The following FSTL4 variants were observed in gnomAD, a reference collection of about 807,000 sequenced individuals.
The protein encoded by FSTL4 is follistatin like 4, also known as follistatin-related protein 4.
A neutral mutation model predicts 78.2 loss-of-function variants in FSTL4; 28 were observed. That is an observed-to-expected ratio of 0.36 (90% CI 0.27 to 0.49). FSTL4 has a LOEUF of 0.49. FSTL4 is among the 20% of genes least tolerant of loss of function. The pLI is 0.98. For synonymous variants in FSTL4, 422 were observed against 440.5 expected (o/e 0.96, Z 0.53); for missense variants, 922 against 1,084.9 (o/e 0.85, Z 2.11).
chr5:133,317,705 T>C (rs930067275), intron 4 of FSTL4, among the ~76,000 whole-genome samples: 2 of 152,248 alleles, frequency 1.3e-5, no homozygotes, highest in Non-Finnish European at 2.9e-5. Flanking sequence ...GCATGTAGCC[T>C]TGGGCAGGGT....
chr5:133,265,841 T>C (rs1451876984), intron 6 of FSTL4, among the ~76,000 whole-genome samples: 3 of 152,260 alleles, frequency 2.0e-5, no homozygotes, highest in Middle Eastern at 3.4e-3. Context: ...AGAGGTACTG[T>C]GGTACTGTGG....
chr5:133,720,165 A>G, the FSTL4 span, among the ~76,000 whole-genome samples: 1 of 152,196 alleles, frequency 6.6e-6, no homozygotes, highest in Non-Finnish European at 1.5e-5. Context: ...GTTACCCACT[A>G]AAAAAGGAGA....
At chr5:133,569,939 G>T (rs1167904170) in intron 2 of FSTL4, among the ~76,000 whole-genome samples, 1 of 152,104 alleles carries the variant, frequency 6.6e-6, no homozygotes, top group African/African-American at 2.4e-5. Context: ...CCCGGGCGCG[G>T]TGGCTCTCAC....
At chr5:133,239,206 C>G (rs977030448) in intron 7 of FSTL4, among the ~76,000 whole-genome samples, 2 of 152,142 alleles carry the variant, frequency 1.3e-5, no homozygotes, top group Non-Finnish European at 2.9e-5. Flanking sequence ...ATCTGCAGCC[C>G]GCCATGCCTG....
chr5:133,598,476 G>A (rs566773371), intron 2 of FSTL4, among the ~76,000 whole-genome samples: 20 of 150,498 alleles, frequency 1.3e-4, no homozygotes, highest in Admixed American at 3.3e-4. Context: ...GACCTTGGGA[G>A]GTTCTGCCAC....
chr5:133,830,412 G>A, the FSTL4 span, among the ~76,000 whole-genome samples: 5 of 152,260 alleles, frequency 3.3e-5, 1 homozygote, highest in African/African-American at 9.6e-5. Context: ...AAGTACCACC[G>A]CATGGAGGAA....
At chr5:133,484,142 C>T (rs1247745335) in intron 3 of FSTL4, among the ~76,000 whole-genome samples, 1 of 152,224 alleles carries the variant, frequency 6.6e-6, no homozygotes, top group Non-Finnish European at 1.5e-5. Flanking sequence ...TGCTGTACAG[C>T]AAATTGGGCA....
At chr5:133,798,830 C>A in the FSTL4 span, among the ~76,000 whole-genome samples, 3 of 152,086 alleles carry the variant, frequency 2.0e-5, no homozygotes, top group African/African-American at 7.2e-5. Context: ...GCCTCCCCCA[C>A]CCTGAAGGCA....
At chr5:133,626,149 TATATATATTCC>T in the FSTL4 span, among the ~76,000 whole-genome samples, 8 of 42,396 alleles carry the variant, frequency 1.9e-4, no homozygotes, top group Non-Finnish European at 3.2e-4. Flanking sequence ...ATATTCCATA[TATATATATTCC>T]ATATATATAT....
intron 3 of FSTL4, among the ~76,000 whole-genome samples, chr5:133,405,613 G>A (rs1298604574): frequency 6.6e-6 from 1 of 152,234 alleles, no homozygotes; most frequent in African/African-American, 2.4e-5. Context: ...GTGCAGATAT[G>A]TGGGGTGCGC....
intron 3 of FSTL4, among the ~76,000 whole-genome samples, chr5:133,423,555 G>C (rs1250684262): frequency 6.6e-6 from 1 of 152,204 alleles, no homozygotes; most frequent in African/African-American, 2.4e-5. Flanking sequence ...TGGGGTGACA[G>C]TAGTAAAGGC....
chr5:133,486,803 T>C (rs889701792), intron 3 of FSTL4, among the ~76,000 whole-genome samples: 1 of 152,144 alleles, frequency 6.6e-6, no homozygotes, highest in African/African-American at 2.4e-5. Flanking sequence ...GAACCACACC[T>C]TCTTAGGCAC....
intron 3 of FSTL4, among the ~76,000 whole-genome samples, chr5:133,491,694 G>A (rs749281469): frequency 7.2e-5 from 11 of 152,084 alleles, no homozygotes; most frequent in African/African-American, 1.9e-4. Context: ...GAGCCACTGC[G>A]CCTGGCCTAA....
At chr5:133,590,146 G>T (rs569928155) in intron 2 of FSTL4, among the ~76,000 whole-genome samples, 1 of 144,630 alleles carries the variant, frequency 6.9e-6, no homozygotes, top group Admixed American at 6.8e-5. Context: ...TTGCTCTGTC[G>T]CTCTGTCACC....
At chr5:133,259,960 C>T (rs966958226) in intron 6 of FSTL4, among the ~76,000 whole-genome samples, 1 of 152,056 alleles carries the variant, frequency 6.6e-6, no homozygotes, top group Non-Finnish European at 1.5e-5. Context: ...ATGATAACCC[C>T]CTAACCCTCC....
intron 3 of FSTL4, among the ~76,000 whole-genome samples, chr5:133,442,606 T>C (rs761802860): frequency 1.7e-4 from 26 of 152,200 alleles, no homozygotes; most frequent in Non-Finnish European, 2.5e-4. Flanking sequence ...TTTTATTTAG[T>C]TTTTTAAAAA....
At chr5:133,785,639 C>A in the FSTL4 span, among the ~76,000 whole-genome samples, 159 of 152,306 alleles carry the variant, frequency 1.0e-3, no homozygotes, top group African/African-American at 3.7e-3. Context: ...AAGGTGCCAT[C>A]TTCCAGAAGC....
intron 3 of FSTL4, among the ~76,000 whole-genome samples, chr5:133,453,002 A>G (rs1406586323): frequency 6.6e-6 from 1 of 152,228 alleles, no homozygotes; most frequent in Non-Finnish European, 1.5e-5. Flanking sequence ...TGCATTATGA[A>G]CTTGAATTCA....
the FSTL4 span, among the ~76,000 whole-genome samples, chr5:133,671,034 G>A: frequency 1.3e-5 from 2 of 152,282 alleles, no homozygotes; most frequent in East Asian, 3.9e-4. Flanking sequence ...TCCAAGCCTA[G>A]GCACATCAAG....
Sources: gnomAD v4.1 joint callset for allele counts (sites outside exome capture counted in the v4.1 genomes callset) on GRCh38, gnomAD v4.1.1 for gene constraint, MANE v1.5 for transcripts, NCBI Gene and HGNC (gene_info 2026-07-23, HGNC 2026-07-21) for gene names.